The following CHEK1 variants were observed in gnomAD, a reference collection of about 807,000 sequenced individuals.
CHEK1 encodes serine/threonine-protein kinase Chk1.
Under a neutral mutation model 60.2 loss-of-function variants are expected in CHEK1, and 32 were observed. The observed-to-expected ratio is 0.53, with a 90% confidence interval of 0.40 to 0.71. CHEK1 has a LOEUF of 0.71. CHEK1 is among the 30% of genes least tolerant of loss of function. The pLI, the probability that CHEK1 is intolerant of heterozygous loss-of-function variation, is 0.00. For missense variants in CHEK1, 399 were observed against 564.6 expected (o/e 0.71, Z 2.97); for synonymous variants, 179 against 187.2 (o/e 0.96, Z 0.36).
At chr11:125,672,829 A>T in intron 13 of CHEK1, 1 of 1,310,142 alleles carries the variant, frequency 7.6e-7, no homozygotes, top group Non-Finnish European at 1.0e-6. Context: ...CCACTTGTCC[A>T]TTATCCCTTC....
chr11:125,644,383 T>C, intron 10 of CHEK1, 115 bp downstream of exon 10: 1 of 1,459,868 alleles, frequency 6.8e-7, no homozygotes, highest in Non-Finnish European at 9.2e-7. Flanking sequence ...ATGTATTCTT[T>C]TTTGGTCAAG....
At chr11:125,627,901 A>G (rs1940690499) in intron 3 of CHEK1, 71 bp downstream of exon 3, 10 of 1,222,494 alleles carry the variant, frequency 8.2e-6, no homozygotes, top group African/African-American at 1.6e-5. Context: ...TGGGCATGCT[A>G]TTTGGTCGTT....
chr11:125,657,479 T>C (rs984475128), downstream of CHEK1, among the ~76,000 whole-genome samples: 3 of 152,076 alleles, frequency 2.0e-5, no homozygotes, highest in Non-Finnish European at 2.9e-5. Flanking sequence ...CCCCCAGAAA[T>C]AATCACAAAA....
intron 13 of CHEK1, among the ~76,000 whole-genome samples, chr11:125,672,988 G>A (rs749414208): frequency 5.3e-5 from 8 of 151,758 alleles, no homozygotes; most frequent in Non-Finnish European, 1.2e-4. Context: ...TCTCTTAATC[G>A]TGCTACTCCC....
intron 13 of CHEK1, among the ~76,000 whole-genome samples, chr11:125,666,203 T>A (rs1189990064): frequency 6.6e-6 from 1 of 151,902 alleles, no homozygotes; most frequent in Non-Finnish European, 1.5e-5. Flanking sequence ...TGTTTCCATT[T>A]TCATTTGTTT....
downstream of CHEK1, chr11:125,678,077 A>C: frequency 6.2e-7 from 1 of 1,614,074 alleles, no homozygotes; most frequent in Non-Finnish European, 8.5e-7. Flanking sequence ...AAGCATGCTC[A>C]CTCTCAGCAT....
At chr11:125,669,781 C>T (rs1942167383) in intron 13 of CHEK1, among the ~76,000 whole-genome samples, 1 of 152,056 alleles carries the variant, frequency 6.6e-6, no homozygotes, top group Non-Finnish European at 1.5e-5. Flanking sequence ...GCCTCGGCCT[C>T]CCAAAGTGCT....
chr11:125,625,676 T>C lies in CHEK1; in HGVS notation c.-357T>C, dbSNP rs1940555223. ...CCCCTGAGGCTTGGAGGCCTGGGCT[T>C]CCCCCAGCAGCGCTCGAGCACCGCC... On this transcript the variant is annotated 5_prime_UTR_variant, in exon 1 of 13. Transcript: ENST00000438015. The C allele has an allele frequency of 1.6e-6, 1 of 611,926 alleles. No individual in the cohort carries two copies. The highest frequency in any genetic ancestry group is 2.8e-5 in the East Asian group (1 of 36,288). The allele number at this position is 611,926 out of a possible 1,614,324, so 37.9% of individuals were successfully genotyped here. A position where few individuals can be genotyped will look rare whatever the true frequency, so the allele number is the denominator to read the frequency against.
intron 8 of CHEK1, chr11:125,643,536 A>G (rs146008709): frequency 2.9e-6 from 1 of 345,922 alleles, no homozygotes; most frequent in Non-Finnish European, 5.2e-6. Flanking sequence ...CATACTCCAC[A>G]CTTTGAACAT....
At chr11:125,658,685 CTTTTTTTTTTTT>C (rs67342073), downstream of CHEK1, among the ~76,000 whole-genome samples, 2 of 34,880 alleles carry the variant, frequency 5.7e-5, no homozygotes, top group Non-Finnish European at 9.9e-5. Flanking sequence ...ATGGCTTTTG[CTTTTTTTTTTTT>C]TTTTTTTTTT....
chr11:125,657,433 C>T (rs916106126), downstream of CHEK1, among the ~76,000 whole-genome samples: 15 of 152,130 alleles, frequency 9.9e-5, no homozygotes, highest in Non-Finnish European at 1.2e-4. Flanking sequence ...TTAAGAACTT[C>T]CTATATGCAG....
At chr11:125,642,235 C>T (rs1306727904) in intron 8 of CHEK1, among the ~76,000 whole-genome samples, 1 of 152,144 alleles carries the variant, frequency 6.6e-6, no homozygotes, top group Non-Finnish European at 1.5e-5. Flanking sequence ...TATCCTCTTC[C>T]CTCTAACACA....
chr11:125,643,810 T>C lies in CHEK1; in HGVS notation c.833T>C (p.Val278Ala), dbSNP rs1941392945. ...TTTTTAGGGGCAAAAAGGCCCCGAG[T>C]CACTTCAGGTGGTGTGTCAGAGTCT... Reference protein sequence around the residue: ...PLKKGAKRPRVTSGGVSESPS... With the variant: ...PLKKGAKRPRATSGGVSESPS... Residue 278 changes from valine to alanine, a missense_variant, in exon 9 of 13, where the codon GTC becomes GCC. Physicochemically the swap from Val to Ala is moderately conservative, Grantham distance 64. This residue lies in a region of CHEK1 where 370 missense variants were observed against 494.8 expected (regional missense o/e 0.75). Coordinates refer to ENST00000438015, the MANE Select transcript of CHEK1 (RefSeq NM_001114122.3). 6.2e-7 allele frequency: 1 copy of C among 1,613,504 alleles called. No homozygotes were observed. Among genetic ancestry groups the C allele is most frequent in the Non-Finnish European group, 8.5e-7 (1 of 1,179,900 alleles).
At chr11:125,641,318 A>G (rs3731438) in intron 8 of CHEK1, among the ~76,000 whole-genome samples, 16,412 of 151,580 alleles carry the variant, frequency 0.11, 1,178 homozygotes, top group Admixed American at 0.23. Flanking sequence ...CGCTCTTTTC[A>G]GTCTCTTGAT....
intron 5 of CHEK1, among the ~76,000 whole-genome samples, chr11:125,631,008 C>T (rs147367822): frequency 1.4e-3 from 210 of 152,176 alleles, no homozygotes; most frequent in African/African-American, 4.5e-3. Flanking sequence ...TTCATATGGT[C>T]TGATTCTGTT....
rs1236991027 is a variant in CHEK1, at chr11:125,655,199, AT to A, written c.1336-20del. 3 of 1,560,556 alleles carry A rather than the reference AT, an allele frequency of 1.9e-6. No individual in the cohort carries two copies. In the East Asian group the frequency reaches 6.8e-5, roughly 35 times the overall value. ...TTGTTTTTGTTTTTGTTTTGACATA[AT>A]TTTTTAATACTATTTCTAATATAGG... On this transcript the variant is annotated intron_variant, in intron 12 of 12. Coordinates refer to ENST00000438015, the MANE Select transcript of CHEK1 (RefSeq NM_001114122.3).
At chr11:125,669,603 A>G (rs1942162514) in intron 13 of CHEK1, among the ~76,000 whole-genome samples, 1 of 141,002 alleles carries the variant, frequency 7.1e-6, no homozygotes. Context: ...GGCTCACTGC[A>G]ACCTCCGCCT....
intron 1 of CHEK1, chr11:125,626,482 TA>T: frequency 2.0e-6 from 1 of 504,876 alleles, no homozygotes. Flanking sequence ...CACCTCTTCA[TA>T]ACAACAATTA....
intron 11 of CHEK1, among the ~76,000 whole-genome samples, chr11:125,648,486 G>A (rs142319005): frequency 2.6e-5 from 4 of 151,996 alleles, no homozygotes; most frequent in African/African-American, 9.6e-5. Flanking sequence ...GGAGGCTGAG[G>A]CCGGAGAATC....
Sources: gnomAD v4.1 joint callset for allele counts (sites outside exome capture counted in the v4.1 genomes callset) on GRCh38, gnomAD v4.1.1 for gene constraint, gnomAD v4.1.1 regional missense constraint, MANE v1.5 for transcripts, NCBI Gene and HGNC (gene_info 2026-07-23, HGNC 2026-07-21) for gene names.